Variants in POLA1 observed in about 807,000 individuals in gnomAD.
POLA1 encodes the protein DNA polymerase alpha catalytic subunit.
Under a neutral mutation model 124.0 loss-of-function variants are expected in POLA1, and 15 were observed. The ratio of observed to expected loss-of-function variants is 0.12; its 90% CI spans 0.08 to 0.19. POLA1 has a LOEUF of 0.19. Ranked by LOEUF, POLA1 falls within the 10% of genes least tolerant of loss-of-function variation. The pLI is 1.00. For missense variants in POLA1, 886 were observed against 1,103.4 expected (o/e 0.80, Z 2.79); for synonymous variants, 408 against 389.4 (o/e 1.05, Z -0.56).
intron 36 of POLA1, among the ~76,000 whole-genome samples, chrX:24,961,861 T>G (rs1004344776): frequency 8.9e-6 from 1 of 111,891 alleles, no homozygotes; most frequent in Non-Finnish European, 1.9e-5. Context: ...TAAAAAGTCT[T>G]AACCACCTTC....
chrX:24,817,451 A>T (rs2046006707), intron 30 of POLA1, among the ~76,000 whole-genome samples: 1 of 109,286 alleles, frequency 9.2e-6, no homozygotes, highest in Non-Finnish European at 1.9e-5. Flanking sequence ...CTACTAAAAA[A>T]TAAAAAATTA....
intron 34 of POLA1, among the ~76,000 whole-genome samples, chrX:24,886,829 C>G (rs2047070587): frequency 8.9e-6 from 1 of 112,179 alleles, no homozygotes; most frequent in African/African-American, 3.2e-5. Context: ...GGCCTGCATT[C>G]TTTGACATAC....
chrX:24,862,616 T>C (rs778411737), intron 34 of POLA1, among the ~76,000 whole-genome samples: 1 of 111,632 alleles, frequency 9.0e-6, no homozygotes, highest in South Asian at 3.8e-4. Flanking sequence ...AAAAAGATAC[T>C]GTTGAAGACC....
intron 36 of POLA1, among the ~76,000 whole-genome samples, chrX:24,993,225 C>T (rs760484652): frequency 8.9e-6 from 1 of 112,420 alleles, no homozygotes. Flanking sequence ...ATTTCAGTGA[C>T]GCACTTGTGT....
chrX:24,782,571 GAGTGCTACCTT>G (rs1439672026), intron 26 of POLA1, among the ~76,000 whole-genome samples: 1 of 111,571 alleles, frequency 9.0e-6, no homozygotes, highest in Non-Finnish European at 1.9e-5. Flanking sequence ...GATTTCAACA[GAGTGCTACCTT>G]AGCCATTGTG....
intron 35 of POLA1, among the ~76,000 whole-genome samples, chrX:24,924,091 A>G (rs1269389773): frequency 1.8e-5 from 2 of 112,037 alleles, no homozygotes; most frequent in Non-Finnish European, 3.8e-5. Context: ...CATGTTCCTT[A>G]GACAAAACTT....
intron 26 of POLA1, chrX:24,788,972 G>A: frequency 8.3e-7 from 1 of 1,209,134 alleles, no homozygotes; most frequent in East Asian, 3.0e-5. Context: ...TGCCACATCT[G>A]CTTGTGATGG....
chrX:24,921,310 C>G (rs912543906), intron 35 of POLA1, among the ~76,000 whole-genome samples: 58 of 112,329 alleles, frequency 5.2e-4, no homozygotes, highest in African/African-American at 1.9e-3. Flanking sequence ...AAAGACCTCT[C>G]AGTGTAGCAT....
chrX:24,922,218 A>G (rs2047626867), intron 35 of POLA1, among the ~76,000 whole-genome samples: 2 of 104,427 alleles, frequency 1.9e-5, no homozygotes, highest in African/African-American at 3.6e-5. Flanking sequence ...GGGACTACAG[A>G]CATGCGCTAT....
chrX:24,797,976 A>T (rs1242150367), intron 26 of POLA1, among the ~76,000 whole-genome samples: 1 of 110,129 alleles, frequency 9.1e-6, no homozygotes. Context: ...TTAGCCCAGG[A>T]GGTCAAGGCT....
At position 24,835,314 on chromosome X, in the gene POLA1, A is replaced by G. The variant is rs1444713207; in HGVS notation, c.3737-6338A>G. On this transcript the variant is annotated intron_variant, in intron 32 of 36. Coordinates refer to ENST00000379068, the MANE Select transcript of POLA1 (RefSeq NM_001330360.2). ...TGATTCTCCTGCCTTGACCTCCCAGAGTGCTGCGATTACAGGCGTGAGTCA... is the reference window on the plus strand; with the variant it reads ...TGATTCTCCTGCCTTGACCTCCCAGGGTGCTGCGATTACAGGCGTGAGTCA... Among the ~76,000 whole-genome samples the G allele has an allele frequency of 1.8e-5, 2 of 110,726 alleles. 1 individual carries two copies. The highest frequency in any genetic ancestry group is 3.8e-5 in the Non-Finnish European group (2 of 52,902).
At chrX:24,942,330 G>T (rs919229144) in intron 36 of POLA1, among the ~76,000 whole-genome samples, 11 of 111,949 alleles carry the variant, frequency 9.8e-5, no homozygotes, top group African/African-American at 3.2e-4. Context: ...CCATATCTCA[G>T]CTGCCCTGTT....
At chrX:24,697,447 T>C (rs928039268) in intron 1 of POLA1, among the ~76,000 whole-genome samples, 6 of 112,335 alleles carry the variant, frequency 5.3e-5, no homozygotes, top group Admixed American at 3.8e-4. Context: ...TTTGTGGCTG[T>C]CATCATTAAG....
In POLA1 at chrX:24,785,132, G is replaced by A. The variant is rs1253287311; in HGVS notation, c.2965-24766G>A. On this transcript the variant is annotated intron_variant, in intron 26 of 36. Transcript: ENST00000379068. ...TAAGTGTTACAAATTAATTCAGTACGATAATAAATTTGCTTTTTCTCTTTC... is the reference window on the plus strand; with the variant it reads ...TAAGTGTTACAAATTAATTCAGTACAATAATAAATTTGCTTTTTCTCTTTC... Among the ~76,000 whole-genome samples, 5 of 112,265 alleles carry A rather than the reference G, an allele frequency of 4.5e-5. No homozygotes were observed. In the South Asian group the frequency reaches 1.1e-3, roughly 25 times the overall value.
intron 35 of POLA1, among the ~76,000 whole-genome samples, chrX:24,912,536 A>T (rs1156369539): frequency 1.8e-5 from 2 of 110,823 alleles, no homozygotes; most frequent in African/African-American, 3.3e-5. Flanking sequence ...AATCCAATTT[A>T]AAAAAAAACA....
intron 36 of POLA1, among the ~76,000 whole-genome samples, chrX:24,981,200 C>T (rs5944707): frequency 6.2e-5 from 7 of 112,427 alleles, no homozygotes; most frequent in Non-Finnish European, 1.3e-4. Context: ...TGGAGTAACT[C>T]TAGAAACTAC....
intron 1 of POLA1, among the ~76,000 whole-genome samples, chrX:24,696,820 A>G (rs1449799366): frequency 1.8e-5 from 2 of 109,413 alleles, no homozygotes; most frequent in Non-Finnish European, 3.8e-5. Flanking sequence ...TCTCCTACTC[A>G]CTCTACACTC....
chrX:24,798,052 A>G (rs964517835), intron 26 of POLA1, among the ~76,000 whole-genome samples: 4 of 110,932 alleles, frequency 3.6e-5, no homozygotes, highest in African/African-American at 1.3e-4. Flanking sequence ...TGTTTCCAAA[A>G]AAAAGCACAA....
intron 34 of POLA1, among the ~76,000 whole-genome samples, chrX:24,886,899 T>C (rs1370790335): frequency 8.9e-6 from 1 of 111,865 alleles, no homozygotes; most frequent in African/African-American, 3.2e-5. Flanking sequence ...CTTCCACTCA[T>C]TTTTCAAGAC....
Sources: gnomAD v4.1 joint callset for allele counts (sites outside exome capture counted in the v4.1 genomes callset) on GRCh38, gnomAD v4.1.1 for gene constraint, MANE v1.5 for transcripts, NCBI Gene and HGNC (gene_info 2026-07-23, HGNC 2026-07-21) for gene names.